Variants in ATP10B observed in about 807,000 individuals in gnomAD.
ATP10B encodes phospholipid-transporting ATPase VB.
Under a neutral mutation model 141.2 loss-of-function variants are expected in ATP10B, and 122 were observed. The observed-to-expected ratio is 0.86, with a 90% CI of 0.75 to 1.00. The LOEUF is 1.00. Among genes scored for constraint, ATP10B ranks in the 50% least tolerant of loss-of-function variants. The pLI, the probability that ATP10B is intolerant of heterozygous loss-of-function variation, is 0.00. For synonymous variants in ATP10B, 685 were observed against 692.0 expected, an observed-to-expected ratio of 0.99 and a Z score of 0.16; for missense variants, 1,876 against 1,825.3, an observed-to-expected ratio of 1.03 and a Z score of -0.51.
intron 7 of ATP10B, among the ~76,000 whole-genome samples, chr5:160,669,942 C>T (rs532442202): frequency 6.9e-3 from 256 of 37,144 alleles, no homozygotes; most frequent in Non-Finnish European, 0.011. Flanking sequence ...TATCAGTGAT[C>T]TCTGTCTGCC....
chr5:160,777,157 A>G (rs1389937826), intron 2 of ATP10B, among the ~76,000 whole-genome samples: 1 of 152,224 alleles, frequency 6.6e-6, no homozygotes, highest in Non-Finnish European at 1.5e-5. Flanking sequence ...AGAGCTATGG[A>G]AGGGATGGCA....
intron 2 of ATP10B, among the ~76,000 whole-genome samples, chr5:160,747,641 G>T (rs1767893902): frequency 6.6e-6 from 1 of 152,112 alleles, no homozygotes; most frequent in South Asian, 2.1e-4. Flanking sequence ...AGCATGGAAG[G>T]ATCCCCACTT....
chr5:160,792,776 A>G (rs892560324), intron 1 of ATP10B, among the ~76,000 whole-genome samples: 9 of 152,140 alleles, frequency 5.9e-5, no homozygotes, highest in South Asian at 2.1e-4. Flanking sequence ...CTGTGCCTCA[A>G]TTCATCCACA....
chr5:160,904,009 T>C, the ATP10B span, among the ~76,000 whole-genome samples: 2 of 152,174 alleles, frequency 1.3e-5, no homozygotes, highest in East Asian at 3.8e-4. Flanking sequence ...TGAGTACTGA[T>C]GGCGTCAGCA....
chr5:160,772,883 C>T (rs1377945470), intron 2 of ATP10B, among the ~76,000 whole-genome samples: 1 of 152,156 alleles, frequency 6.6e-6, no homozygotes, highest in Non-Finnish European at 1.5e-5. Flanking sequence ...CAGTGTAAGT[C>T]TTTAGGGAGA....
intron 4 of ATP10B, 62 bp downstream of exon 4, chr5:160,688,698 T>C (rs1180782679): frequency 3.4e-6 from 3 of 892,096 alleles, no homozygotes; most frequent in Non-Finnish European, 4.0e-6. Flanking sequence ...AAGGTACCTA[T>C]TCTTTAGGTT....
intron 2 of ATP10B, among the ~76,000 whole-genome samples, chr5:160,731,822 A>G (rs1233248916): frequency 6.6e-6 from 1 of 152,192 alleles, no homozygotes; most frequent in Non-Finnish European, 1.5e-5. Flanking sequence ...CTAAAAACAA[A>G]CAAATATTTG....
At chr5:160,789,193 A>T (rs1771391912) in intron 1 of ATP10B, among the ~76,000 whole-genome samples, 1 of 152,106 alleles carries the variant, frequency 6.6e-6, no homozygotes, top group Non-Finnish European at 1.5e-5. Context: ...ATTCAGTTTG[A>T]CCATCACCGG....
rs368235613 is a variant in ATP10B, at chr5:160,839,347, C to A, written c.-576+12594G>T. Among the ~76,000 whole-genome samples, 26 of 152,128 alleles carry A rather than the reference C, an allele frequency of 1.7e-4. No individual in the cohort carries two copies. The East Asian group carries it at 3.5e-3, about 20-fold the overall frequency. On this transcript the variant is annotated intron_variant, in intron 1 of 25. Transcript: ENST00000327245. ...TTAAGTGCAGAGTGGCAGAAAAAAA[C>A]CCTTCAGATATGTAGTCAAAAACTA...
At chr5:160,740,967 T>G (rs939951797) in intron 2 of ATP10B, among the ~76,000 whole-genome samples, 2 of 152,196 alleles carry the variant, frequency 1.3e-5, no homozygotes, top group Admixed American at 1.3e-4. Context: ...GGAAGAGAAA[T>G]GGCCTCCCCA....
intron 2 of ATP10B, among the ~76,000 whole-genome samples, chr5:160,767,228 C>T (rs1276401090): frequency 6.6e-6 from 1 of 152,094 alleles, no homozygotes; most frequent in Non-Finnish European, 1.5e-5. Context: ...TGATATAAGT[C>T]AATATTCTCT....
chr5:160,819,258 A>G (rs949594595), intron 1 of ATP10B, among the ~76,000 whole-genome samples: 55 of 152,344 alleles, frequency 3.6e-4, no homozygotes, highest in African/African-American at 1.3e-3. Flanking sequence ...CTTACAGGCC[A>G]GGAGAGCATA....
chr5:160,708,188 G>A (rs745476607), intron 3 of ATP10B, among the ~76,000 whole-genome samples: 8 of 152,246 alleles, frequency 5.3e-5, no homozygotes, highest in East Asian at 1.9e-4. Flanking sequence ...TTAGGGTGTC[G>A]TTGAGGTTTT....
chr5:160,637,016 C>CCA (rs1188345328), intron 10 of ATP10B, among the ~76,000 whole-genome samples: 1 of 37,438 alleles, frequency 2.7e-5, no homozygotes, highest in Non-Finnish European at 6.5e-5. Flanking sequence ...ATCCATCCAT[C>CCA]TATCCATCCA....
At chr5:160,904,500 T>TATGC in the ATP10B span, among the ~76,000 whole-genome samples, 1 of 96,566 alleles carries the variant, frequency 1.0e-5, no homozygotes, top group East Asian at 3.3e-4. Context: ...TATGTCTGGG[T>TATGC]GTGCGTGTGT....
chr5:160,696,264 G>C (rs112650233), intron 3 of ATP10B, among the ~76,000 whole-genome samples: 1 of 152,142 alleles, frequency 6.6e-6, no homozygotes, highest in African/African-American at 2.4e-5. Flanking sequence ...CCGCCATCAT[G>C]CCTGGCAAAA....
At chr5:160,853,041 T>C (rs1410729857), upstream of ATP10B, among the ~76,000 whole-genome samples, 1 of 152,160 alleles carries the variant, frequency 6.6e-6, no homozygotes, top group Non-Finnish European at 1.5e-5. Flanking sequence ...TACCTACAGA[T>C]CTTATCAGAA....
At chr5:160,626,664 C>T (rs1758628601) in intron 13 of ATP10B, among the ~76,000 whole-genome samples, 1 of 152,196 alleles carries the variant, frequency 6.6e-6, no homozygotes, top group African/African-American at 2.4e-5. Context: ...TCTAATTCAG[C>T]AGCTCCGAGT....
At chr5:160,826,029 G>A (rs1251089360) in intron 1 of ATP10B, among the ~76,000 whole-genome samples, 5 of 152,140 alleles carry the variant, frequency 3.3e-5, no homozygotes, top group African/African-American at 7.2e-5. Flanking sequence ...TGGTATAAAC[G>A]TACCACATTT....
Sources: allele counts gnomAD v4.1 joint callset (sites outside exome capture counted in the v4.1 genomes callset), GRCh38; gene constraint gnomAD v4.1.1; transcripts MANE v1.5; gene names NCBI Gene and HGNC (gene_info 2026-07-23, HGNC 2026-07-21).